UPF2: variants seen among roughly 807,000 people sequenced by gnomAD.
UPF2 encodes the protein regulator of nonsense transcripts 2.
In UPF2, 17 loss-of-function variants were observed where a neutral mutation model predicts 141.4. The observed-to-expected ratio is 0.12, with a 90% CI of 0.08 to 0.18. UPF2 has a LOEUF of 0.18. Ranked by LOEUF, UPF2 falls within the 10% of genes least tolerant of loss-of-function variation. The pLI is 1.00. For synonymous variants in UPF2, 540 were observed against 498.0 expected, an observed-to-expected ratio of 1.08 and a Z score of -1.12; for missense variants, 1,152 against 1,515.9, an observed-to-expected ratio of 0.76 and a Z score of 3.99.
At chr10:11,978,395 C>G (rs79305489) in intron 9 of UPF2, among the ~76,000 whole-genome samples, 2,221 of 152,266 alleles carry the variant, frequency 0.015, 26 homozygotes, top group Non-Finnish European at 0.022. Flanking sequence ...CATTTCCCCA[C>G]TATCAAGCCT....
chr10:12,000,069 T>C, intron 6 of UPF2, 60 bp from the exon 7 acceptor site: 1 of 1,372,110 alleles, frequency 7.3e-7, no homozygotes, highest in Non-Finnish European at 1.0e-6. Context: ...AATAAAAACA[T>C]CCAATGATGA....
At position 11,952,123 on chromosome 10, in the gene UPF2, G is replaced by A. The variant is rs1483767674; in HGVS notation, c.2977C>T (p.Leu993=). 6.2e-7 allele frequency: 1 copy of A among 1,613,940 alleles called. No homozygotes were observed. Among genetic ancestry groups the A allele is most frequent in the African/African-American group, 1.3e-5 (1 of 74,922 alleles). The change falls in exon 15 of 22, where the codon CTG becomes TTG. Residue 993 remains leucine (L), a synonymous_variant. Coordinates refer to ENST00000357604, the MANE Select transcript of UPF2 (RefSeq NM_015542.4). ...TGTACCTGCCTGATGGATTCTTCCA[G>A]AGAATTACAGAGTTTGATCTTTGGT... ...LRPKIKLCNS[L]EESIRQVQDL...
intron 6 of UPF2, among the ~76,000 whole-genome samples, chr10:12,000,291 T>C (rs958198549): frequency 6.6e-6 from 1 of 152,218 alleles, no homozygotes; most frequent in Non-Finnish European, 1.5e-5. Flanking sequence ...GTAAATGTTA[T>C]TGGTGTCTGC....
chr10:11,923,865 C>A (rs1001046079), intron 21 of UPF2, among the ~76,000 whole-genome samples: 19 of 152,078 alleles, frequency 1.2e-4, no homozygotes, highest in Middle Eastern at 3.4e-3. Flanking sequence ...GAATGACACA[C>A]AAATTCGTGA....
At chr10:11,963,940 T>G in intron 11 of UPF2, 69 bp downstream of exon 11, 1 of 1,140,696 alleles carries the variant, frequency 8.8e-7, no homozygotes, top group South Asian at 1.4e-5. Context: ...CACTGGTCAA[T>G]ATTTTCAACC....
rs1564337902 is a variant in UPF2 at position 11,938,873 on chromosome 10, T to TG, written c.3379-2162_3379-2161insC. ...TTTTTGTTTTTTTTTTTTTTTTTTT[T>TG]TTTTTTTTTGGAGACGGAGTCTCAC... On this transcript the variant is annotated intron_variant, in intron 18 of 21. Transcript: ENST00000357604. 5.5e-5 allele frequency among the ~76,000 whole-genome samples: 6 copies of TG among 108,498 alleles called. No individual in the cohort carries two copies. The East Asian group carries it at 1.6e-3, about 29-fold the overall frequency. The allele number at this position is 108,498 out of a possible 152,430, so 71.2% of individuals were successfully genotyped here. A position where few individuals can be genotyped will look rare whatever the true frequency, so the allele number is the denominator to read the frequency against.
intron 8 of UPF2, among the ~76,000 whole-genome samples, chr10:11,993,526 C>CAA (rs140723817): frequency 7.1e-6 from 1 of 140,996 alleles, no homozygotes; most frequent in African/African-American, 2.6e-5. Flanking sequence ...TCAAAAATTC[C>CAA]AAAAAAAAAA....
rs1319629996 is a variant in UPF2, at chr10:11,921,654, T to C, written c.3810-347A>G. On this transcript the variant is annotated intron_variant, in intron 21 of 21. Transcript: ENST00000357604. The surrounding 1 kb of genome is among the most constrained non-coding windows in gnomAD (Gnocchi z 5.9). ...CCATTTTTTACCAGGGACTTGAATGTCTGTGCATTTTGGTGTCTGAGGGGA... is the reference window on the plus strand; with the variant it reads ...CCATTTTTTACCAGGGACTTGAATGCCTGTGCATTTTGGTGTCTGAGGGGA... Among the ~76,000 whole-genome samples the C allele has an allele frequency of 6.6e-6, 1 of 152,210 alleles. No homozygotes were observed. The highest frequency in any genetic ancestry group is 2.4e-5 in the African/African-American group (1 of 41,458).
At chr10:11,945,646 A>C (rs1016802525) in intron 16 of UPF2, among the ~76,000 whole-genome samples, 1 of 152,252 alleles carries the variant, frequency 6.6e-6, no homozygotes, top group African/African-American at 2.4e-5. Flanking sequence ...TAATAGTTAC[A>C]AATGATATAA....
At chr10:12,005,437 T>G (rs935952485) in intron 4 of UPF2, among the ~76,000 whole-genome samples, 2 of 152,214 alleles carry the variant, frequency 1.3e-5, no homozygotes, top group African/African-American at 4.8e-5. Context: ...ACATCTTTCC[T>G]CATAAGGTTT....
In UPF2 at chr10:11,938,853, G is replaced by GTTTTGTTTTTTT. The variant is rs1832889729; in HGVS notation, c.3379-2142_3379-2141insAAAAAAACAAAA. Reference sequence around the variant, plus strand: ...GTGGTCTTAAGCAAGTTTTTTTTTTGTTTTTTTTTTTTTTTTTTTTTTTTT... The same window carrying GTTTTGTTTTTTT: ...GTGGTCTTAAGCAAGTTTTTTTTTTGTTTTGTTTTTTTTTTTTTTTTTTTTTTTTTTTTTTTT... On this transcript the variant is annotated intron_variant, in intron 18 of 21. Coordinates refer to ENST00000357604, the MANE Select transcript of UPF2 (RefSeq NM_015542.4). Among the ~76,000 whole-genome samples the GTTTTGTTTTTTT allele has an allele frequency of 1.9e-4, 15 of 79,832 alleles. 2 individuals are homozygous for GTTTTGTTTTTTT. The East Asian group carries it at 4.3e-3, about 23-fold the overall frequency. 52.4% of individuals were successfully genotyped at this position (79,832 alleles called of 152,430 possible).
chr10:11,994,636 A>G (rs1335730647), intron 8 of UPF2, among the ~76,000 whole-genome samples: 1 of 152,220 alleles, frequency 6.6e-6, no homozygotes, highest in African/African-American at 2.4e-5. Flanking sequence ...CTTGGACTAT[A>G]TGCCAAACAC....
chr10:11,921,425 C>G lies in UPF2; in HGVS notation c.3810-118G>C, dbSNP rs913204340. 1 of 1,302,388 alleles carries G rather than the reference C, an allele frequency of 7.7e-7. No individual in the cohort carries two copies. Among genetic ancestry groups the G allele is most frequent in the Non-Finnish European group, 1.1e-6 (1 of 915,000 alleles). The allele number at this position is 1,302,388 out of a possible 1,614,324, so 80.7% of individuals were successfully genotyped here. On this transcript the variant is annotated intron_variant, in intron 21 of 21. Transcript: ENST00000357604. The surrounding 1 kb of genome is among the most constrained non-coding windows in gnomAD (Gnocchi z 5.9). ...GTCACTCCCCCAAGTTACAGGTGGC[C>G]CTGGCATCTGCGGGTTCCACATCCA...
At chr10:11,929,753 TA>T in intron 21 of UPF2, 111 bp downstream of exon 21, 1 of 1,450,648 alleles carries the variant, frequency 6.9e-7, no homozygotes, top group South Asian at 1.4e-5. Flanking sequence ...AAGACTTTTC[TA>T]TTTTGCTAAA....
chr10:12,008,850 A>G (rs1048243079), intron 4 of UPF2, among the ~76,000 whole-genome samples: 59 of 151,750 alleles, frequency 3.9e-4, no homozygotes, highest in African/African-American at 1.4e-3. Context: ...CCTTACCCCC[A>G]ACCTCCCAAC....
chr10:12,002,662 C>A (rs1202219047), intron 5 of UPF2, among the ~76,000 whole-genome samples: 1 of 151,762 alleles, frequency 6.6e-6, no homozygotes, highest in Non-Finnish European at 1.5e-5. Context: ...TTAGAGAAAA[C>A]CAAAAAATGA....
At chr10:12,038,866 T>C (rs1253384761) in intron 1 of UPF2, among the ~76,000 whole-genome samples, 1 of 152,322 alleles carries the variant, frequency 6.6e-6, no homozygotes, top group South Asian at 2.1e-4. Context: ...TCTCAGTACG[T>C]TGCCCTGGCT....
At chr10:11,928,156 T>G (rs1832735756) in intron 21 of UPF2, among the ~76,000 whole-genome samples, 1 of 152,030 alleles carries the variant, frequency 6.6e-6, no homozygotes, top group Non-Finnish European at 1.5e-5. Flanking sequence ...GCCAACATGG[T>G]GAAACCCCAT....
intron 5 of UPF2, among the ~76,000 whole-genome samples, chr10:12,004,005 G>C (rs1471149705): frequency 6.6e-6 from 1 of 151,332 alleles, no homozygotes; most frequent in Non-Finnish European, 1.5e-5. Flanking sequence ...ACAGTAACCC[G>C]GGTGAGAGAG....
Sources: gnomAD v4.1 joint callset for allele counts (sites outside exome capture counted in the v4.1 genomes callset) on GRCh38, gnomAD v4.1.1 for gene constraint, Gnocchi (gnomAD v3.1) non-coding constraint, MANE v1.5 for transcripts, NCBI Gene and HGNC (gene_info 2026-07-23, HGNC 2026-07-21) for gene names.